DMBT1: variants seen among roughly 807,000 people sequenced by gnomAD.
DMBT1 encodes scavenger receptor cysteine-rich domain-containing protein DMBT1.
A neutral mutation model predicts 252.9 loss-of-function variants in DMBT1; 198 were observed. The observed-to-expected ratio is 0.78, with a 90% CI of 0.70 to 0.88. The LOEUF is 0.88. Ranked by LOEUF, DMBT1 falls within the 40% of genes least tolerant of loss-of-function variation. The pLI is 0.00. For missense variants in DMBT1, 2,432 were observed against 2,404.7 expected, an observed-to-expected ratio of 1.01 and a Z score of -0.24; for synonymous variants, 990 against 942.7, an observed-to-expected ratio of 1.05 and a Z score of -0.92.
chr10:122,599,344 G>C (rs1377423779), intron 26 of DMBT1, among the ~76,000 whole-genome samples: 1 of 152,150 alleles, frequency 6.6e-6, no homozygotes, highest in Non-Finnish European at 1.5e-5. Flanking sequence ...CAAGGAAGAG[G>C]CAGAAGAGAA....
intron 53 of DMBT1, among the ~76,000 whole-genome samples, 178 bp downstream of exon 53, chr10:122,636,377 A>G (rs544945194): frequency 3.7e-4 from 57 of 152,364 alleles, no homozygotes; most frequent in Admixed American, 4.6e-4. Flanking sequence ...CTGCCCAGAA[A>G]TAAAGTCAGG....
rs903262454 is a variant in DMBT1 at position 122,618,103 on chromosome 10, G to A, written c.4978G>A (p.Gly1660Ser). 9.3e-6 allele frequency: 15 copies of A among 1,613,800 alleles called. No individual in the cohort carries two copies. In the African/African-American group the frequency reaches 1.9e-4, roughly 20 times the overall value. Residue 1660 changes from glycine to serine, a missense_variant, in exon 41 of 56, where the codon GGC (glycine) becomes AGC (serine). This residue lies in a region of DMBT1 where 1,162 missense variants were observed against 1,169.0 expected (regional missense o/e 0.99). Coordinates refer to ENST00000338354, the MANE Select transcript of DMBT1 (RefSeq NM_001377530.1). ...GGAGGTCCTATACCAAGGCTCCTGG[G>A]GCACCGTGTGTGATGACTACTGGGA... Reference protein sequence around the residue: ...RVEVLYQGSWGTVCDDYWDTN... With the variant: ...RVEVLYQGSWSTVCDDYWDTN...
At chr10:122,618,863 C>G (rs191168571) in intron 41 of DMBT1, among the ~76,000 whole-genome samples, 3 of 152,252 alleles carry the variant, frequency 2.0e-5, no homozygotes, top group African/African-American at 7.2e-5. Context: ...CTCAGGTCCT[C>G]TAAGAATGCT....
chr10:122,578,859 A>T, intron 9 of DMBT1, 100 bp downstream of exon 9: 1 of 1,241,292 alleles, frequency 8.1e-7, no homozygotes. Context: ...AGAGGTGGGG[A>T]AGTGGGCTAA....
chr10:122,636,256 T>C (rs767474681), intron 53 of DMBT1, 57 bp downstream of exon 53: 17 of 1,433,348 alleles, frequency 1.2e-5, no homozygotes, highest in East Asian at 9.4e-5. Context: ...AGAGCATCTG[T>C]GGCTCAACTG....
chr10:122,627,009 G>C (rs74160008), intron 46 of DMBT1, among the ~76,000 whole-genome samples: 317 of 152,268 alleles, frequency 2.1e-3, no homozygotes, highest in African/African-American at 7.5e-3. Context: ...GAAATCTGTC[G>C]GGTGAGGCCA....
chr10:122,569,205 AC>A (rs1490988362), intron 2 of DMBT1, among the ~76,000 whole-genome samples: 1 of 151,832 alleles, frequency 6.6e-6, no homozygotes, highest in Non-Finnish European at 1.5e-5. Context: ...CATCACGACC[AC>A]CCCCGGCCTG....
intron 8 of DMBT1, among the ~76,000 whole-genome samples, 181 bp from the exon 9 acceptor site, chr10:122,578,537 T>G (rs1471717405): frequency 6.6e-6 from 1 of 152,132 alleles, no homozygotes; most frequent in African/African-American, 2.4e-5. Flanking sequence ...GCCTGCATGG[T>G]GTCCTTTGTC....
Position 122,625,950 on chromosome 10 carries a change from A to G in DMBT1, c.5653A>G (p.Thr1885Ala). Residue 1885 changes from threonine to alanine, a missense_variant, in exon 46 of 56, where the codon ACT becomes GCT. This residue lies in a region of DMBT1 where 1,162 missense variants were observed against 1,169.0 expected (regional missense o/e 0.99). Coordinates refer to ENST00000338354, the MANE Select transcript of DMBT1 (RefSeq NM_001377530.1). ...TTTTCTAGATTGGTGGCATCCAACA[A>G]CTACAACCACTGCAAGTAGGTATCA... ...STTTDWWHPT[T>A]TTTARPSSNC... 3.1e-6 allele frequency: 5 copies of G among 1,612,198 alleles called. No homozygotes were observed. The highest frequency in any genetic ancestry group is 1.7e-6 in the Non-Finnish European group (2 of 1,178,202).
chr10:122,573,585 GC>G (rs1258262076), intron 5 of DMBT1, 129 bp from the exon 6 acceptor site: 27 of 1,158,370 alleles, frequency 2.3e-5, no homozygotes, highest in African/African-American at 1.1e-4. Flanking sequence ...CACATGGTTG[GC>G]TTTTAGCAAT....
chr10:122,593,988 C>T, intron 21 of DMBT1, among the ~76,000 whole-genome samples: 1 of 137,198 alleles, frequency 7.3e-6, no homozygotes, highest in Non-Finnish European at 1.6e-5. Context: ...GCTCGATACC[C>T]CCATCCATCA....
At chr10:122,561,632 C>T (rs904892416) in intron 1 of DMBT1, among the ~76,000 whole-genome samples, 1 of 115,498 alleles carries the variant, frequency 8.7e-6, no homozygotes, top group Admixed American at 9.8e-5. Flanking sequence ...TCTCTCCCCT[C>T]TCTCTCCCTC....
At chr10:122,589,812 G>T (rs758310282) in intron 17 of DMBT1, among the ~76,000 whole-genome samples, 6 of 148,394 alleles carry the variant, frequency 4.0e-5, no homozygotes, top group Non-Finnish European at 9.0e-5. Context: ...ACTAAGAGAA[G>T]AACTCACCCC....
chr10:122,625,421 A>T, intron 45 of DMBT1, 118 bp downstream of exon 45: 1 of 969,682 alleles, frequency 1.0e-6, no homozygotes, highest in Non-Finnish European at 1.6e-6. Flanking sequence ...CTCTCTGAGG[A>T]CTCTGATCTT....
At chr10:122,619,229 A>C in intron 41 of DMBT1, 79 bp from the exon 42 acceptor site, 1 of 1,575,534 alleles carries the variant, frequency 6.3e-7, no homozygotes, top group South Asian at 1.1e-5. Context: ...AGGCTTGCCC[A>C]GTTCCTTCTA....
chr10:122,576,993 G>A (rs2097718300), intron 7 of DMBT1, among the ~76,000 whole-genome samples: 1 of 152,216 alleles, frequency 6.6e-6, no homozygotes, highest in African/African-American at 2.4e-5. Flanking sequence ...AGTTTAGTTG[G>A]GGCAGTTGGC....
intron 41 of DMBT1, among the ~76,000 whole-genome samples, chr10:122,619,031 C>T (rs1316386362): frequency 6.6e-6 from 1 of 152,200 alleles, no homozygotes; most frequent in Non-Finnish European, 1.5e-5. Context: ...CAGGAACTGC[C>T]AAAACATCCA....
chr10:122,589,062 T>C lies in DMBT1; in HGVS notation c.1902T>C (p.Asn634=). ...GTVCDDSWDT[N]DANVVCRQLG... Reference sequence around the variant, plus strand: ...TGTGTGATGACAGCTGGGACACCAATGATGCCAATGTGGTCTGCAGGCAGC... The same window carrying C: ...TGTGTGATGACAGCTGGGACACCAACGATGCCAATGTGGTCTGCAGGCAGC... The change falls in exon 17 of 56, where the codon AAT becomes AAC. Residue 634 remains asparagine (N), a synonymous_variant. Transcript: ENST00000338354. 1 of 1,588,848 alleles carries C rather than the reference T, an allele frequency of 6.3e-7. No individual in the cohort carries two copies.
chr10:122,589,574 C>T (rs2097828300), intron 17 of DMBT1, among the ~76,000 whole-genome samples: 1 of 148,096 alleles, frequency 6.8e-6, no homozygotes, highest in Admixed American at 6.7e-5. Flanking sequence ...AAAGGAATGG[C>T]TGGGGTCAGG....
Sources: gnomAD v4.1 joint callset for allele counts (sites outside exome capture counted in the v4.1 genomes callset) on GRCh38, gnomAD v4.1.1 for gene constraint, gnomAD v4.1.1 regional missense constraint, MANE v1.5 for transcripts, NCBI Gene and HGNC (gene_info 2026-07-23, HGNC 2026-07-21) for gene names.